RYR2: variants seen among roughly 807,000 people sequenced by gnomAD.
RYR2 encodes the protein cardiac muscle ryanodine receptor-calcium release channel.
Under a neutral mutation model 601.1 loss-of-function variants are expected in RYR2, and 227 were observed. The observed-to-expected ratio is 0.38, with a 90% CI of 0.34 to 0.42. The LOEUF is 0.42. Ranked by LOEUF, RYR2 falls within the 10% of genes least tolerant of loss-of-function variation. The probability of loss-of-function intolerance (pLI) is 1.00; values close to 1 mark genes in which losing one functional copy is unlikely to be tolerated. For missense variants in RYR2, 4,646 were observed against 6,156.5 expected (o/e 0.75, Z 8.21); for synonymous variants, 2,223 against 2,175.1 (o/e 1.02, Z -0.61).
At chr1:237,366,329 C>A (rs2149737167) in intron 5 of RYR2, among the ~76,000 whole-genome samples, 1 of 152,320 alleles carries the variant, frequency 6.6e-6, no homozygotes, top group Non-Finnish European at 1.5e-5. Flanking sequence ...TTGCAGGCAC[C>A]TTTATCTTCA....
At chr1:237,251,337 A>G (rs1370509994) in intron 1 of RYR2, among the ~76,000 whole-genome samples, 1 of 152,068 alleles carries the variant, frequency 6.6e-6, no homozygotes, top group Non-Finnish European at 1.5e-5. Context: ...TCTCTTCCCC[A>G]CAGCTCCACT....
chr1:237,628,089 T>C lies in RYR2; in HGVS notation c.6440+9T>C. On this transcript the variant is annotated intron_variant, in intron 41 of 104. Transcript: ENST00000366574. Reference sequence around the variant, plus strand: ...ATGATTCGTGGATTAGGGTAAATTATTTAACTACTACAACCCTTTGTCTCG... The same window carrying C: ...ATGATTCGTGGATTAGGGTAAATTACTTAACTACTACAACCCTTTGTCTCG... 6.2e-7 allele frequency: 1 copy of C among 1,612,774 alleles called. No homozygotes were observed. The highest frequency in any genetic ancestry group is 8.5e-7 in the Non-Finnish European group (1 of 1,179,106).
Position 237,614,882 on chromosome 1 carries a change from C to T in RYR2, c.5715+39C>T. ...GAGACTTGAGTGAATTTCAGAATTG[C>T]TAAGCATTAAGGTATTAGAACATGC... On this transcript the variant is annotated intron_variant, in intron 37 of 104. Coordinates refer to ENST00000366574, the MANE Select transcript of RYR2 (RefSeq NM_001035.3). This position sits in a 1 kb window ranked among gnomAD's most constrained non-coding sequence, Gnocchi z 4.3. 1 of 1,521,730 alleles carries T rather than the reference C, an allele frequency of 6.6e-7. No individual in the cohort carries two copies. Among genetic ancestry groups the T allele is most frequent in the Non-Finnish European group, 8.8e-7 (1 of 1,135,794 alleles). 94.3% of individuals were successfully genotyped at this position (1,521,730 alleles called of 1,614,324 possible).
At chr1:237,515,034 G>T (rs1248287119) in intron 24 of RYR2, among the ~76,000 whole-genome samples, 1 of 152,130 alleles carries the variant, frequency 6.6e-6, no homozygotes, top group Non-Finnish European at 1.5e-5. Flanking sequence ...AATGAAATAT[G>T]AATTTTGGGT....
rs1171664185 is a variant in RYR2, at chr1:237,478,909, G to A, written c.1708+9722G>A. Among the ~76,000 whole-genome samples the A allele has an allele frequency of 2.6e-5, 4 of 152,172 alleles. No homozygotes were observed. In the East Asian group the frequency reaches 7.7e-4, roughly 29 times the overall value. ...GTGATGGAATGAGTGTGCACTGTATGTTATTTGAATGTGATGAAGAAATAG... is the reference window on the plus strand; with the variant it reads ...GTGATGGAATGAGTGTGCACTGTATATTATTTGAATGTGATGAAGAAATAG... On this transcript the variant is annotated intron_variant, in intron 17 of 104. Coordinates refer to ENST00000366574, the MANE Select transcript of RYR2 (RefSeq NM_001035.3).
chr1:237,661,192 T>C (rs1683757728), intron 56 of RYR2, among the ~76,000 whole-genome samples: 2 of 152,080 alleles, frequency 1.3e-5, no homozygotes, highest in South Asian at 2.1e-4. Flanking sequence ...AAGTAACCAG[T>C]TGTAGGACAT....
intron 1 of RYR2, among the ~76,000 whole-genome samples, chr1:237,212,836 G>A (rs187973365): frequency 2.0e-5 from 3 of 152,136 alleles, no homozygotes; most frequent in East Asian, 1.9e-4. Context: ...GTGCAGTAGC[G>A]TGATCTCGAC....
chr1:237,801,702 C>T (rs1262976985), intron 97 of RYR2, among the ~76,000 whole-genome samples, 154 bp from the exon 98 acceptor site: 1 of 152,196 alleles, frequency 6.6e-6, no homozygotes, highest in East Asian at 1.9e-4. Flanking sequence ...AGAGTTGGCT[C>T]TCAGCTCCTC....
intron 84 of RYR2, among the ~76,000 whole-genome samples, chr1:237,765,334 C>G (rs1693765935): frequency 6.6e-6 from 1 of 150,724 alleles, no homozygotes; most frequent in African/African-American, 2.4e-5. Flanking sequence ...TTTTTTTGAT[C>G]ATGAGGTAGT....
At chr1:237,669,875 C>T (rs1684743432) in intron 58 of RYR2, among the ~76,000 whole-genome samples, 2 of 152,066 alleles carry the variant, frequency 1.3e-5, no homozygotes, top group Admixed American at 6.5e-5. Flanking sequence ...CTCCTCACTT[C>T]CCAGACGGGG....
At chr1:237,811,341 T>C (rs1246600090) in intron 100 of RYR2, among the ~76,000 whole-genome samples, 1 of 152,164 alleles carries the variant, frequency 6.6e-6, no homozygotes, top group African/African-American at 2.4e-5. Flanking sequence ...ATAGCCCAAA[T>C]CTCTTATTTG....
chr1:237,192,879 T>G (rs1246934603), intron 1 of RYR2, among the ~76,000 whole-genome samples: 1 of 152,080 alleles, frequency 6.6e-6, no homozygotes, highest in Non-Finnish European at 1.5e-5. Flanking sequence ...ATATATATAG[T>G]TAAATTATTT....
At chr1:237,812,722 T>G (rs1216826738) in intron 100 of RYR2, among the ~76,000 whole-genome samples, 4 of 152,120 alleles carry the variant, frequency 2.6e-5, no homozygotes, top group South Asian at 2.1e-4. Context: ...TTTGCTAGTC[T>G]TCTTCTCCGA....
chr1:237,314,967 A>G (rs1255580873), intron 2 of RYR2, among the ~76,000 whole-genome samples: 1 of 152,202 alleles, frequency 6.6e-6, no homozygotes, highest in African/African-American at 2.4e-5. Flanking sequence ...TTAATATTAA[A>G]TCTCTTTATG....
intron 88 of RYR2, among the ~76,000 whole-genome samples, chr1:237,780,199 C>A (rs1056822258): frequency 2.6e-5 from 4 of 152,114 alleles, no homozygotes; most frequent in Non-Finnish European, 4.4e-5. Flanking sequence ...CTCAGAGGTA[C>A]CTGACTAGAG....
At chr1:237,770,722 A>G (rs1482104920) in intron 84 of RYR2, 85 bp from the exon 85 acceptor site, 8 of 817,836 alleles carry the variant, frequency 9.8e-6, no homozygotes, top group South Asian at 1.5e-5. Flanking sequence ...CTAGATCAAC[A>G]TGCAAGTTGT....
chr1:237,784,136 G>A lies in RYR2; in HGVS notation c.12424G>A (p.Ala4142Thr), dbSNP rs761834154. ...FLGRIEIMGS[A>T]KRIERVYFEI... ...GGGCCGCATCGAAATCATGGGAAGC[G>A]CCAAACGCATCGAGAGGGTCTATTT... The change falls in exon 90 of 105, where the codon GCC (alanine) becomes ACC (threonine). Residue 4142 changes from alanine to threonine, a missense_variant. By Grantham distance (58) the Ala-to-Thr change is moderately conservative. Coordinates refer to ENST00000366574, the MANE Select transcript of RYR2 (RefSeq NM_001035.3). The surrounding 1 kb of genome is among the most constrained non-coding windows in gnomAD (Gnocchi z 7.1). The A allele has an allele frequency of 6.2e-7, 1 of 1,613,954 alleles. No individual in the cohort carries two copies. The highest frequency in any genetic ancestry group is 8.5e-7 in the Non-Finnish European group (1 of 1,179,886).
intron 29 of RYR2, among the ~76,000 whole-genome samples, chr1:237,573,587 C>T (rs758759109): frequency 5.4e-5 from 8 of 149,316 alleles, no homozygotes; most frequent in South Asian, 2.1e-4. Flanking sequence ...AACTAGATGG[C>T]GGATCACAAG....
intron 35 of RYR2, among the ~76,000 whole-genome samples, chr1:237,604,505 C>A (rs1315590004): frequency 5.9e-5 from 9 of 151,996 alleles, no homozygotes. Flanking sequence ...CATCGCAATT[C>A]AAAGAACTAG....
Sources: allele counts gnomAD v4.1 joint callset (sites outside exome capture counted in the v4.1 genomes callset), GRCh38; gene constraint gnomAD v4.1.1; non-coding constraint Gnocchi (gnomAD v3.1); transcripts MANE v1.5; gene names NCBI Gene and HGNC (gene_info 2026-07-23, HGNC 2026-07-21).